The following EDN1 variants were observed in gnomAD, a reference collection of about 807,000 sequenced individuals.
EDN1 encodes endothelin-1.
A neutral mutation model predicts 21.7 loss-of-function variants in EDN1; 11 were observed. The observed-to-expected ratio is 0.51, with a 90% CI of 0.32 to 0.84. The LOEUF is 0.84. Among genes scored for constraint, EDN1 ranks in the 40% least tolerant of loss-of-function variants. The pLI is 0.03. For missense variants in EDN1, 244 were observed against 262.3 expected, an observed-to-expected ratio of 0.93 and a Z score of 0.48; for synonymous variants, 85 against 90.6, an observed-to-expected ratio of 0.94 and a Z score of 0.35.
chr6:12,291,860 G>C (rs1478749603), intron 1 of EDN1, among the ~76,000 whole-genome samples: 1 of 152,220 alleles, frequency 6.6e-6, no homozygotes, highest in East Asian at 1.9e-4. Context: ...ATGTGAAGTG[G>C]ATGGGTACCC....
At chr6:12,285,200 A>G in the EDN1 span, among the ~76,000 whole-genome samples, 1 of 152,194 alleles carries the variant, frequency 6.6e-6, no homozygotes, top group Admixed American at 6.5e-5. Flanking sequence ...GTGTGCATGC[A>G]TGTGTGTCAG....
the EDN1 span, among the ~76,000 whole-genome samples, chr6:12,248,526 TA>T: frequency 1.2e-3 from 189 of 152,340 alleles, no homozygotes; most frequent in African/African-American, 4.3e-3. Flanking sequence ...TGTATATGTC[TA>T]AATATCCTTG....
the EDN1 span, among the ~76,000 whole-genome samples, chr6:12,260,426 G>A: frequency 6.6e-6 from 1 of 152,126 alleles, no homozygotes; most frequent in African/African-American, 2.4e-5. Flanking sequence ...ACTTAACTTT[G>A]TTGCTTCTTA....
chr6:12,274,090 G>A, the EDN1 span, among the ~76,000 whole-genome samples: 1 of 152,140 alleles, frequency 6.6e-6, no homozygotes, highest in Non-Finnish European at 1.5e-5. Flanking sequence ...GAGCAGAGCA[G>A]GTATCTGGTG....
chr6:12,281,095 C>T, the EDN1 span, among the ~76,000 whole-genome samples: 17 of 152,248 alleles, frequency 1.1e-4, no homozygotes, highest in African/African-American at 3.9e-4. Context: ...TGTGCTCAGC[C>T]TCAAAACCAT....
At chr6:12,274,265 T>C in the EDN1 span, among the ~76,000 whole-genome samples, 1 of 152,206 alleles carries the variant, frequency 6.6e-6, no homozygotes, top group Non-Finnish European at 1.5e-5. Context: ...TAGAAAAGCA[T>C]AAGGCAATTA....
the EDN1 span, among the ~76,000 whole-genome samples, chr6:12,251,562 C>T: frequency 6.6e-6 from 1 of 152,174 alleles, no homozygotes; most frequent in African/African-American, 2.4e-5. Flanking sequence ...AAACCAATAA[C>T]TCATATAAAT....
intron 2 of EDN1, 125 bp downstream of exon 2, chr6:12,292,634 AGT>A: frequency 9.0e-7 from 1 of 1,110,614 alleles, no homozygotes; most frequent in South Asian, 1.3e-5. Flanking sequence ...CAAGTGCCTC[AGT>A]GGGGACAGTT....
At chr6:12,262,371 C>T in the EDN1 span, among the ~76,000 whole-genome samples, 162 of 152,186 alleles carry the variant, frequency 1.1e-3, 1 homozygote, top group African/African-American at 3.5e-3. Flanking sequence ...GGGAGCCTTC[C>T]GGGACTGTGT....
At chr6:12,231,513 C>A in the EDN1 span, among the ~76,000 whole-genome samples, 2 of 152,120 alleles carry the variant, frequency 1.3e-5, no homozygotes, top group African/African-American at 2.4e-5. Context: ...TCTACTAAAA[C>A]TAAATAGTAA....
chr6:12,279,960 T>A, the EDN1 span, among the ~76,000 whole-genome samples: 1 of 151,964 alleles, frequency 6.6e-6, no homozygotes, highest in South Asian at 2.1e-4. Flanking sequence ...AGCAATCAAA[T>A]CAAAAGCAAT....
the EDN1 span, among the ~76,000 whole-genome samples, chr6:12,259,210 A>C: frequency 0.3 from 45,520 of 151,706 alleles, 8,350 homozygotes; most frequent in South Asian, 0.45. Context: ...GAAATGAAGT[A>C]TAATTCCTTA....
rs1035652528 is a variant in EDN1 at position 12,296,431 on chromosome 6, T to C, written c.*364T>C. ...CGAAGGTCCTAAGGGAGTGTTTGTGTCTGACTCAGGCGCCTGGCACATTTC... is the reference window on the plus strand; with the variant it reads ...CGAAGGTCCTAAGGGAGTGTTTGTGCCTGACTCAGGCGCCTGGCACATTTC... On this transcript the variant is annotated 3_prime_UTR_variant, in exon 5 of 5. Coordinates refer to ENST00000379375, the MANE Select transcript of EDN1 (RefSeq NM_001955.5). The C allele has an allele frequency of 2.6e-5, 5 of 191,238 alleles. No homozygotes were observed. The highest frequency in any genetic ancestry group is 5.3e-5 in the Admixed American group (1 of 18,746). The allele number at this position is 191,238 out of a possible 1,614,324, so 11.8% of individuals were successfully genotyped here.
the EDN1 span, among the ~76,000 whole-genome samples, chr6:12,276,307 C>A: frequency 3.2e-3 from 489 of 151,946 alleles, 7 homozygotes; most frequent in African/African-American, 0.011. Context: ...GAGAAAGGAA[C>A]GATGTGACTG....
intron 4 of EDN1, among the ~76,000 whole-genome samples, chr6:12,295,496 C>A (rs1343276754): frequency 1.3e-5 from 2 of 151,920 alleles, no homozygotes; most frequent in Non-Finnish European, 2.9e-5. Context: ...AAAAAAAAAT[C>A]TTTTTAAAAA....
At chr6:12,241,069 A>C in the EDN1 span, among the ~76,000 whole-genome samples, 1 of 152,064 alleles carries the variant, frequency 6.6e-6, no homozygotes, top group African/African-American at 2.4e-5. Flanking sequence ...TTGAATTTTC[A>C]GTCACTCTCA....
the EDN1 span, among the ~76,000 whole-genome samples, chr6:12,265,783 T>C: frequency 1.3e-5 from 2 of 152,234 alleles, no homozygotes; most frequent in East Asian, 3.8e-4. Flanking sequence ...GTAACTCATT[T>C]TTTACCAGTC....
At position 12,294,452 on chromosome 6, in the gene EDN1, T is replaced by C. The variant is rs542091807; in HGVS notation, c.533+48T>C. On this transcript the variant is annotated intron_variant, in intron 4 of 4. Transcript: ENST00000379375. ...TAGGTAAGAGGTTCACAAGAACAAC[T>C]AGCCCCAGTCAGTGATGCCAGCAGC... The C allele has an allele frequency of 3.1e-6, 5 of 1,609,662 alleles. No homozygotes were observed. In the African/African-American group the frequency reaches 5.3e-5, roughly 17 times the overall value.
chr6:12,258,125 G>A, the EDN1 span, among the ~76,000 whole-genome samples: 4 of 151,890 alleles, frequency 2.6e-5, no homozygotes, highest in African/African-American at 4.8e-5. Context: ...AATTGCAAGC[G>A]GAGGTGCAGA....
Sources: allele counts gnomAD v4.1 joint callset (sites outside exome capture counted in the v4.1 genomes callset), GRCh38; gene constraint gnomAD v4.1.1; transcripts MANE v1.5; gene names NCBI Gene and HGNC (gene_info 2026-07-23, HGNC 2026-07-21).